The following MAD2L1BP variants were observed in gnomAD, a reference collection of about 807,000 sequenced individuals.
MAD2L1BP encodes MAD2L1 binding protein.
A neutral mutation model predicts 28.4 loss-of-function variants in MAD2L1BP; 22 were observed. That is an observed-to-expected ratio of 0.77 (90% CI 0.55 to 1.10). MAD2L1BP has a LOEUF of 1.10. Ranked by LOEUF, MAD2L1BP falls within the 50% of genes least tolerant of loss-of-function variation. The pLI, the probability that MAD2L1BP is intolerant of heterozygous loss-of-function variation, is 0.00. For synonymous variants in MAD2L1BP, 146 were observed against 133.7 expected, an observed-to-expected ratio of 1.09 and a Z score of -0.63; for missense variants, 325 against 350.5, an observed-to-expected ratio of 0.93 and a Z score of 0.58.
At chr6:43,631,098 A>G (rs1582360909), upstream of MAD2L1BP, among the ~76,000 whole-genome samples, 1 of 152,106 alleles carries the variant, frequency 6.6e-6, no homozygotes, top group Non-Finnish European at 1.5e-5. Context: ...TTTACTGATC[A>G]TGCTGTCCAC....
In MAD2L1BP at chr6:43,636,637, T is replaced by C; in HGVS notation, c.303T>C (p.Pro101=). 1 of 1,612,418 alleles carries C rather than the reference T, an allele frequency of 6.2e-7. No individual in the cohort carries two copies. The highest frequency in any genetic ancestry group is 8.5e-7 in the Non-Finnish European group (1 of 1,178,506). Residue 101 remains proline (P), a synonymous_variant, in exon 2 of 3, where the codon CCT becomes CCC. Coordinates refer to ENST00000372171, the MANE Select transcript of MAD2L1BP (RefSeq NM_014628.3). ...AGCTTAAGCACTTTTACCGAAAACC[T>C]TCTCCCCAGGTAGGCACAGGCTTTG... The part of the protein sequence containing the change: ...YEQLKHFYRK[P]SPQAEEMLKK...
rs1263076367 is a variant in MAD2L1BP at position 43,640,667 on chromosome 6, C to G, written c.*134C>G. Reference sequence around the variant, plus strand: ...AGCAACTCTCCTTCTGGTTGTCTGCCTCCCCTCAGATTTCCTGATAGGCTG... The same window carrying G: ...AGCAACTCTCCTTCTGGTTGTCTGCGTCCCCTCAGATTTCCTGATAGGCTG... On this transcript the variant is annotated 3_prime_UTR_variant, in exon 3 of 3. Transcript: ENST00000372171. The G allele has an allele frequency of 1.1e-6, 1 of 925,858 alleles. No homozygotes were observed. Among genetic ancestry groups the G allele is most frequent in the Admixed American group, 3.1e-5 (1 of 32,252 alleles). The allele number at this position is 925,858 out of a possible 1,614,324, so 57.4% of individuals were successfully genotyped here.
At chr6:43,639,925 TGTA>T in intron 2 of MAD2L1BP, 93 bp from the exon 3 acceptor site, 1 of 1,086,558 alleles carries the variant, frequency 9.2e-7, no homozygotes, top group Non-Finnish European at 1.2e-6. Flanking sequence ...AATTAAGTCC[TGTA>T]AGTCTATGTA....
In MAD2L1BP at chr6:43,640,527, C is replaced by T. The variant is rs368776860; in HGVS notation, c.819C>T (p.Arg273=). 34 of 1,577,368 alleles carry T rather than the reference C, an allele frequency of 2.2e-5. No homozygotes were observed. The highest frequency in any genetic ancestry group is 1.7e-4 in the Middle Eastern group (1 of 5,894). ...CACCAGTGACATTTAAAGGCTTCCGCGAGTGAATGAGTGCTTCTTAATCCT... is the reference window on the plus strand; with the variant it reads ...CACCAGTGACATTTAAAGGCTTCCGTGAGTGAATGAGTGCTTCTTAATCCT... ...FQAPVTFKGF[R]E is the part of the protein sequence containing the mutation. Residue 273 remains arginine, a synonymous_variant, in exon 3 of 3, where the codon CGC becomes CGT. Coordinates refer to ENST00000372171, the MANE Select transcript of MAD2L1BP (RefSeq NM_014628.3).
At chr6:43,632,948 G>A (rs887062395), upstream of MAD2L1BP, among the ~76,000 whole-genome samples, 45 of 148,248 alleles carry the variant, frequency 3.0e-4, no homozygotes, top group Non-Finnish European at 5.2e-4. Flanking sequence ...CTTGAACCCT[G>A]GGGGCAGAGG....
intron 1 of MAD2L1BP, among the ~76,000 whole-genome samples, chr6:43,630,170 A>T (rs1769814946): frequency 6.6e-6 from 1 of 152,208 alleles, no homozygotes; most frequent in Admixed American, 6.5e-5. Context: ...AACTTGGCCT[A>T]GGGCCACAGG....
upstream of MAD2L1BP, among the ~76,000 whole-genome samples, chr6:43,632,088 G>A (rs761878123): frequency 3.3e-5 from 5 of 151,618 alleles, no homozygotes; most frequent in African/African-American, 7.3e-5. Context: ...TAGTAGAGAC[G>A]GTGGTTTCTC....
chr6:43,629,546 A>G lies in MAD2L1BP; in HGVS notation c.-204A>G, dbSNP rs555030318. On this transcript the variant is annotated 5_prime_UTR_variant, in exon 1 of 4. Transcript: ENST00000451025. The stretch of plus-strand genomic sequence containing the variant: ...GTTCTTTTTCTAGGACTTGGGGGGA[A>G]TTTAGAGCCTCGAGGCCTGGGGTGG... The G allele has an allele frequency of 1.8e-4, 114 of 646,424 alleles. 2 individuals carry two copies. The South Asian group carries it at 1.8e-3, about 10-fold the overall frequency. 40.0% of individuals were successfully genotyped at this position (646,424 alleles called of 1,614,324 possible). A position where few individuals can be genotyped will look rare whatever the true frequency, so the allele number is the denominator to read the frequency against.
At chr6:43,639,038 A>G (rs1245705573) in intron 2 of MAD2L1BP, among the ~76,000 whole-genome samples, 5 of 151,030 alleles carry the variant, frequency 3.3e-5, no homozygotes, top group Admixed American at 2.0e-4. Context: ...CACTTCCTAA[A>G]CCTTTCTGGG....
chr6:43,639,918 T>G, intron 2 of MAD2L1BP, 103 bp from the exon 3 acceptor site: 2 of 977,530 alleles, frequency 2.0e-6, no homozygotes, highest in Admixed American at 6.7e-5. Flanking sequence ...AGCTAGAAAT[T>G]AAGTCCTGTA....
chr6:43,629,907 T>A, intron 1 of MAD2L1BP: 1 of 1,144,384 alleles, frequency 8.7e-7, no homozygotes, highest in Non-Finnish European at 1.2e-6. Flanking sequence ...GGGCTGGTTT[T>A]AATAACCGGA....
At chr6:43,630,036 G>A (rs978556199) in intron 1 of MAD2L1BP, among the ~76,000 whole-genome samples, 3 of 152,200 alleles carry the variant, frequency 2.0e-5, no homozygotes, top group African/African-American at 7.2e-5. Context: ...AGAACCAATC[G>A]GGAAGAACTG....
rs2127861397 is a variant in MAD2L1BP at position 43,636,417 on chromosome 6, C to G, written c.83C>G (p.Ala28Gly). The change falls in exon 2 of 3, where the codon GCC becomes GGC. Residue 28 changes from alanine (A) to glycine (G), a missense_variant. By Grantham distance (60) the Ala-to-Gly change is moderately conservative. Coordinates refer to ENST00000372171, the MANE Select transcript of MAD2L1BP (RefSeq NM_014628.3). ...TATGAGAAGTCCGAAGAAACTCACG[C>G]CTCCCAGATAGAACTACTTGAGACA... ...EWYEKSEETHASQIELLETSS... is the reference protein window; with the variant it reads ...EWYEKSEETHGSQIELLETSS... 6.2e-7 allele frequency: 1 copy of G among 1,614,164 alleles called. No individual in the cohort carries two copies.
rs540166614 is a variant in MAD2L1BP, at chr6:43,640,051, G to A, written c.343G>A (p.Ala115Thr). 9 of 1,539,388 alleles carry A rather than the reference G, an allele frequency of 5.8e-6. No individual in the cohort carries two copies. The East Asian group carries it at 1.8e-4, about 31-fold the overall frequency. The change falls in exon 3 of 3, where the codon GCC becomes ACC. Residue 115 changes from alanine (A) to threonine (T), a missense_variant. By Grantham distance (58) the Ala-to-Thr change is moderately conservative (BLOSUM62 0). Coordinates refer to ENST00000372171, the MANE Select transcript of MAD2L1BP (RefSeq NM_014628.3). Reference sequence around the variant, plus strand: ...GGAGATGCTGAAGAAGAAACCTCGGGCCACCACTGAGGTGAGCAGCAGGAA... The same window carrying A: ...GGAGATGCTGAAGAAGAAACCTCGGACCACCACTGAGGTGAGCAGCAGGAA... ...AEEMLKKKPR[A>T]TTEVSSRKCQ... is the part of the protein sequence containing the mutation.
intron 2 of MAD2L1BP, among the ~76,000 whole-genome samples, chr6:43,638,721 G>C (rs9472095): frequency 2.6e-5 from 4 of 151,782 alleles, no homozygotes; most frequent in African/African-American, 9.7e-5. Context: ...GTGTGAACCC[G>C]GGAGGCGGAG....
At chr6:43,634,220 C>CTTTTTTTTTTTTTTTTTTTTTTTT (rs751773637), upstream of MAD2L1BP, among the ~76,000 whole-genome samples, 5 of 103,668 alleles carry the variant, frequency 4.8e-5, no homozygotes, top group African/African-American at 1.2e-4. Context: ...TTCTTTTTTT[C>CTTTTTTTTTTTTTTTTTTTTTTTT]TTTTTTTTTT....
upstream of MAD2L1BP, among the ~76,000 whole-genome samples, chr6:43,635,093 T>C (rs149918186): frequency 2.0e-5 from 3 of 152,236 alleles, no homozygotes; most frequent in East Asian, 5.8e-4. Flanking sequence ...AGGGTAGAGA[T>C]TAAATTTATA....
At chr6:43,634,212 C>CTT (rs1242463650), upstream of MAD2L1BP, among the ~76,000 whole-genome samples, 1 of 131,900 alleles carries the variant, frequency 7.6e-6, no homozygotes, top group African/African-American at 3.2e-5. Flanking sequence ...TTTTTTTTTT[C>CTT]TTTTTTTCTT....
upstream of MAD2L1BP, among the ~76,000 whole-genome samples, chr6:43,633,800 C>T (rs1483874291): frequency 6.7e-6 from 1 of 149,898 alleles, no homozygotes; most frequent in Non-Finnish European, 1.5e-5. Context: ...GCCTCAACCT[C>T]CCAGGCTCAA....
Sources: allele counts gnomAD v4.1 joint callset (sites outside exome capture counted in the v4.1 genomes callset), GRCh38; gene constraint gnomAD v4.1.1; transcripts MANE v1.5; gene names NCBI Gene and HGNC (gene_info 2026-07-23, HGNC 2026-07-21).